The following MTAP variants were observed in gnomAD, a reference collection of about 807,000 sequenced individuals.
The protein encoded by MTAP is S-methyl-5'-thioadenosine phosphorylase.
In MTAP, 33 loss-of-function variants were observed where a neutral mutation model predicts 33.6. The ratio of observed to expected loss-of-function variants is 0.98; its 90% confidence interval spans 0.74 to 1.31. The LOEUF (loss-of-function observed/expected upper bound fraction) is 1.31. Among genes scored for constraint, MTAP ranks in the 40% most tolerant of loss-of-function variants. The pLI is 0.00. For missense variants in MTAP, 367 were observed against 360.0 expected, an observed-to-expected ratio of 1.02 and a Z score of -0.16; for synonymous variants, 148 against 125.7, an observed-to-expected ratio of 1.18 and a Z score of -1.19.
chr9:21,830,234 T>G (rs1187409822), intron 4 of MTAP, among the ~76,000 whole-genome samples: 3 of 152,232 alleles, frequency 2.0e-5, no homozygotes, highest in Non-Finnish European at 2.9e-5. Flanking sequence ...CCGTTTTTGT[T>G]GCACAGGGAC....
At chr9:21,816,669 G>A in intron 2 of MTAP, 45 bp from the exon 3 acceptor site, 1 of 1,556,874 alleles carries the variant, frequency 6.4e-7, no homozygotes, top group Non-Finnish European at 8.8e-7. Flanking sequence ...TTACATACCT[G>A]TTTTTAAATC....
At position 21,815,503 on chromosome 9, in the gene MTAP, A is replaced by T; in HGVS notation, c.104A>T (p.Asp35Val). 1 of 1,609,984 alleles carries T rather than the reference A, an allele frequency of 6.2e-7. No individual in the cohort carries two copies. Among genetic ancestry groups the T allele is most frequent in the Non-Finnish European group, 8.5e-7 (1 of 1,177,362 alleles). Residue 35 changes from aspartate (D) to valine (V), a missense_variant, in exon 2 of 8, where the codon GAT (aspartate) becomes GTT (valine). Transcript: ENST00000644715. ...ILEGRTEKYVDTPFGKPSDAL... is the reference protein window; with the variant it reads ...ILEGRTEKYVVTPFGKPSDAL... ...GAAGGAAGAACTGAAAAATATGTGG[A>T]TACTCCATTTGGCAAGGTTAATATC...
In MTAP at chr9:21,866,520, C is replaced by G. The variant is rs1010786990; in HGVS notation, c.*4506C>G. 1.3e-5 allele frequency: 2 copies of G among 152,102 alleles called. No individual in the cohort carries two copies. Among genetic ancestry groups the G allele is most frequent in the East Asian group, 3.9e-4 (2 of 5,188 alleles). The allele number at this position is 152,102 out of a possible 1,614,324, so 9.4% of individuals were successfully genotyped here. ...TACTCACTTAATTACCTTGCCTACT[C>G]ATTTAATTACCTGTGTGCCCTTGTC... On this transcript the variant is annotated 3_prime_UTR_variant, in exon 8 of 8. Transcript: ENST00000644715.
chr9:21,894,227 A>C (rs78489434), intron 1 of MTAP, among the ~76,000 whole-genome samples: 1 of 147,872 alleles, frequency 6.8e-6, no homozygotes, highest in Non-Finnish European at 1.5e-5. Flanking sequence ...AAAAAAAAAA[A>C]AAACTAGGTA....
At chr9:21,941,029 G>A, downstream of MTAP, 3 of 981,288 alleles carry the variant, frequency 3.1e-6, no homozygotes, top group Non-Finnish European at 3.6e-6. Flanking sequence ...ATGAAATCAT[G>A]ACATCCTATA....
Position 21,865,284 on chromosome 9 carries a change from A to G in MTAP, c.*3270A>G, listed in dbSNP as rs1420350181. On this transcript the variant is annotated 3_prime_UTR_variant, in exon 8 of 8. Transcript: ENST00000644715. ...TTGCTCAACACTTCTTCCTGCCATC[A>G]TGTGAAGAAGGACGTGTTTGTTTCC... The G allele has an allele frequency of 2.3e-6, 1 of 441,430 alleles. No individual in the cohort carries two copies. Among genetic ancestry groups the G allele is most frequent in the Non-Finnish European group, 3.0e-6 (1 of 333,116 alleles). The allele number at this position is 441,430 out of a possible 1,614,324, so 27.3% of individuals were successfully genotyped here.
downstream of MTAP, chr9:21,931,461 G>A: frequency 3.0e-6 from 1 of 329,018 alleles, no homozygotes; most frequent in Non-Finnish European, 5.5e-6. Context: ...ACTGGCAGCA[G>A]GGAAAGACAA....
At chr9:21,874,557 T>A (rs1431671648) in intron 1 of MTAP, among the ~76,000 whole-genome samples, 1 of 152,150 alleles carries the variant, frequency 6.6e-6, no homozygotes, top group African/African-American at 2.4e-5. Context: ...AGACTTTGAT[T>A]GGTTGTTTTA....
At chr9:21,804,823 C>T (rs112734728) in intron 1 of MTAP, among the ~76,000 whole-genome samples, 6 of 152,354 alleles carry the variant, frequency 3.9e-5, no homozygotes, top group African/African-American at 1.4e-4. Context: ...CAGAATTACA[C>T]AGCTGGACCT....
chr9:21,811,223 T>C (rs571478625), intron 1 of MTAP, among the ~76,000 whole-genome samples: 15 of 152,240 alleles, frequency 9.9e-5, no homozygotes, highest in African/African-American at 3.6e-4. Context: ...CTTACGGCAG[T>C]GTGCCCAGGC....
At chr9:21,907,119 T>A (rs900340203) in intron 1 of MTAP, among the ~76,000 whole-genome samples, 1 of 152,222 alleles carries the variant, frequency 6.6e-6, no homozygotes, top group African/African-American at 2.4e-5. Flanking sequence ...ATCCCAGATG[T>A]TGAAGTCATT....
intron 4 of MTAP, among the ~76,000 whole-genome samples, chr9:21,836,887 G>T (rs1825122409): frequency 6.6e-6 from 1 of 152,132 alleles, no homozygotes; most frequent in Non-Finnish European, 1.5e-5. Flanking sequence ...TGCCAGCTGT[G>T]TAAACGGAAC....
chr9:21,902,115 A>G (rs774817365), intron 1 of MTAP, among the ~76,000 whole-genome samples: 1 of 152,232 alleles, frequency 6.6e-6, no homozygotes, highest in Admixed American at 6.5e-5. Flanking sequence ...CGATATTGCA[A>G]TAGCTCACAA....
At position 21,873,236 on chromosome 9, in the gene MTAP, T is replaced by C. The variant is rs1007661258; in HGVS notation, c.147+18366T>C. Among the ~76,000 whole-genome samples, 9 of 152,350 alleles carry C rather than the reference T, an allele frequency of 5.9e-5. No individual in the cohort carries two copies. In the East Asian group the frequency reaches 1.4e-3, roughly 23 times the overall value. ...GTTATTTACTTTGTTTTTTATCTTATAGTTTGTCTTCTTGAGACTGTAGGC... is the reference window on the plus strand; with the variant it reads ...GTTATTTACTTTGTTTTTTATCTTACAGTTTGTCTTCTTGAGACTGTAGGC... On this transcript the variant is annotated intron_variant, in intron 1 of 1. Transcript: ENST00000577563.
intron 4 of MTAP, among the ~76,000 whole-genome samples, chr9:21,818,910 A>G (rs1046995155): frequency 5.9e-5 from 9 of 152,160 alleles, no homozygotes; most frequent in Admixed American, 3.9e-4. Context: ...TGCTTTGATC[A>G]ACGTCTCCCC....
intron 1 of MTAP, among the ~76,000 whole-genome samples, chr9:21,809,228 C>G (rs1017398671): frequency 1.3e-5 from 2 of 152,078 alleles, no homozygotes; most frequent in Admixed American, 1.3e-4. Flanking sequence ...ATCTCAAGAT[C>G]CTGGATTTAA....
chr9:21,859,092 A>T, intron 6 of MTAP: 1 of 498,970 alleles, frequency 2.0e-6, no homozygotes. Context: ...TAAGATCACT[A>T]ATCCTATCCA....
chr9:21,844,656 A>G (rs927102641), intron 5 of MTAP, among the ~76,000 whole-genome samples: 7 of 152,214 alleles, frequency 4.6e-5, no homozygotes, highest in African/African-American at 1.7e-4. Flanking sequence ...AGATGCAGAA[A>G]AAGCATTTGA....
At chr9:21,854,500 G>T in intron 5 of MTAP, 131 bp from the exon 6 acceptor site, 1 of 1,252,168 alleles carries the variant, frequency 8.0e-7, no homozygotes. Flanking sequence ...TGAGAGCCTG[G>T]CAGATAGTAG....
Sources: gnomAD v4.1 joint callset for allele counts (sites outside exome capture counted in the v4.1 genomes callset) on GRCh38, gnomAD v4.1.1 for gene constraint, MANE v1.5 for transcripts, NCBI Gene and HGNC (gene_info 2026-07-23, HGNC 2026-07-21) for gene names.